Variants in MAGI2 observed in about 807,000 individuals in gnomAD.
MAGI2 encodes membrane-associated guanylate kinase, WW and PDZ domain-containing protein 2.
A neutral mutation model predicts 133.3 loss-of-function variants in MAGI2; 35 were observed. The observed-to-expected ratio is 0.26, with a 90% CI of 0.20 to 0.35. MAGI2 has a LOEUF of 0.35. Among genes scored for constraint, MAGI2 ranks in the 10% least tolerant of loss-of-function variants. MAGI2 has a pLI of 1.00. For synonymous variants in MAGI2, 729 were observed against 710.6 expected (o/e 1.03, Z -0.41); for missense variants, 1,636 against 1,863.4 (o/e 0.88, Z 2.25).
chr7:78,354,243 T>C (rs1466422817), intron 7 of MAGI2, among the ~76,000 whole-genome samples: 1 of 152,238 alleles, frequency 6.6e-6, no homozygotes, highest in Non-Finnish European at 1.5e-5. Flanking sequence ...ACATACTCTA[T>C]GTTGAACTGG....
At chr7:78,649,929 T>G (rs1811366889) in intron 2 of MAGI2, among the ~76,000 whole-genome samples, 1 of 152,212 alleles carries the variant, frequency 6.6e-6, no homozygotes, top group South Asian at 2.1e-4. Context: ...TGCATTCTGA[T>G]GTGTGTAGGA....
chr7:78,636,872 A>T (rs1389276213), intron 2 of MAGI2, among the ~76,000 whole-genome samples: 1 of 152,192 alleles, frequency 6.6e-6, no homozygotes, highest in African/African-American at 2.4e-5. Flanking sequence ...AACCATGTGG[A>T]GGACTTGTTA....
chr7:78,640,592 C>T (rs1028470822), intron 2 of MAGI2, among the ~76,000 whole-genome samples: 3 of 148,962 alleles, frequency 2.0e-5, no homozygotes, highest in Non-Finnish European at 4.5e-5. Context: ...TTTGCCAGGA[C>T]TAATAGAGAC....
intron 2 of MAGI2, among the ~76,000 whole-genome samples, chr7:78,840,800 A>G (rs908165998): frequency 6.7e-6 from 1 of 149,614 alleles, no homozygotes; most frequent in Admixed American, 6.7e-5. Context: ...TTAGCTGTGT[A>G]CCCTTGGGCA....
At chr7:78,047,459 G>A (rs570591249) in intron 21 of MAGI2, among the ~76,000 whole-genome samples, 6 of 152,252 alleles carry the variant, frequency 3.9e-5, no homozygotes, top group African/African-American at 1.4e-4. Flanking sequence ...CTTGTCCTTT[G>A]TCCTAAACCT....
chr7:79,190,821 C>T (rs1354687131), intron 1 of MAGI2, among the ~76,000 whole-genome samples: 2 of 151,594 alleles, frequency 1.3e-5, no homozygotes, highest in Non-Finnish European at 2.9e-5. Flanking sequence ...ATTTTTTTCT[C>T]CCATTTTTAA....
intron 2 of MAGI2, among the ~76,000 whole-genome samples, chr7:78,976,160 A>G (rs1193415321): frequency 6.6e-6 from 1 of 151,650 alleles, no homozygotes; most frequent in Non-Finnish European, 1.5e-5. Context: ...TCTCATTAAC[A>G]TAGATGAAAA....
chr7:78,209,411 A>G (rs1383551874), intron 10 of MAGI2, among the ~76,000 whole-genome samples: 41 of 149,744 alleles, frequency 2.7e-4, no homozygotes, highest in African/African-American at 7.1e-4. Flanking sequence ...ACAGGCGTGC[A>G]CCATCACGCC....
rs190283393 is a variant in MAGI2, at chr7:78,908,172, C to G, written c.418+98918G>C. ...AGTTGGAGTAGAATGCTATAAGTAC[C>G]TGTGGGCTATGCCATAGTTCCCAAA... On this transcript the variant is annotated intron_variant, in intron 2 of 21. Transcript: ENST00000354212. 3.1e-3 allele frequency among the ~76,000 whole-genome samples: 465 copies of G among 152,200 alleles called. 1 individual carries two copies. The highest frequency in any genetic ancestry group is 0.011 in the African/African-American group (443 of 41,530).
chr7:78,678,399 C>T (rs954355698), intron 2 of MAGI2, among the ~76,000 whole-genome samples: 2 of 152,052 alleles, frequency 1.3e-5, no homozygotes, highest in Non-Finnish European at 2.9e-5. Context: ...CCCCTTTATC[C>T]CCAGAGTTTT....
chr7:78,514,087 A>C (rs938726510), intron 4 of MAGI2, among the ~76,000 whole-genome samples: 2 of 35,598 alleles, frequency 5.6e-5, no homozygotes, highest in Admixed American at 2.6e-4. Context: ...AAACTGTCTC[A>C]AAAAAAAAAA....
intron 2 of MAGI2, among the ~76,000 whole-genome samples, chr7:78,897,699 T>C (rs1186423410): frequency 6.6e-6 from 1 of 152,230 alleles, no homozygotes; most frequent in Non-Finnish European, 1.5e-5. Context: ...GGAGTAGCAT[T>C]GAATCTATGA....
At position 78,524,858 on chromosome 7, in the gene MAGI2, T is replaced by A. The variant is rs115530438; in HGVS notation, c.539-3213A>T. ...TGTAAAACTAAATAATCTATGCATA[T>A]CTCAATAAATGATACATGATTTTAA... On this transcript the variant is annotated intron_variant, in intron 3 of 21. Coordinates refer to ENST00000354212, the MANE Select transcript of MAGI2 (RefSeq NM_012301.4). 7.6e-3 allele frequency among the ~76,000 whole-genome samples: 1,158 copies of A among 152,310 alleles called. 15 individuals carry two copies. The highest frequency in any genetic ancestry group is 0.027 in the African/African-American group (1,115 of 41,564).
chr7:78,823,194 C>T (rs1055697521), intron 2 of MAGI2, among the ~76,000 whole-genome samples: 3 of 152,090 alleles, frequency 2.0e-5, no homozygotes, highest in African/African-American at 4.8e-5. Context: ...AGATCCCTAC[C>T]TTGTCATTGC....
At chr7:78,242,189 C>T (rs1393507497) in intron 10 of MAGI2, among the ~76,000 whole-genome samples, 3 of 152,194 alleles carry the variant, frequency 2.0e-5, no homozygotes, top group Non-Finnish European at 4.4e-5. Context: ...GTGAGGTACA[C>T]CACCCCTTCC....
intron 1 of MAGI2, among the ~76,000 whole-genome samples, chr7:79,237,177 C>T (rs749918813): frequency 1.3e-4 from 20 of 152,226 alleles, no homozygotes; most frequent in Non-Finnish European, 2.9e-4. Context: ...TTTACAAACT[C>T]ACAAAATATT....
intron 2 of MAGI2, among the ~76,000 whole-genome samples, chr7:78,769,727 A>C (rs1825389790): frequency 6.6e-6 from 1 of 152,184 alleles, no homozygotes; most frequent in Non-Finnish European, 1.5e-5. Context: ...AGCGCATCTT[A>C]ATTTGGTCCA....
At chr7:79,107,126 C>T (rs1818513242) in intron 1 of MAGI2, among the ~76,000 whole-genome samples, 1 of 152,114 alleles carries the variant, frequency 6.6e-6, no homozygotes. Flanking sequence ...AGAGATTAGC[C>T]TCAAATATCC....
intron 1 of MAGI2, among the ~76,000 whole-genome samples, chr7:79,417,874 G>C (rs1233589249): frequency 6.6e-6 from 1 of 151,824 alleles, no homozygotes; most frequent in African/African-American, 2.4e-5. Flanking sequence ...GAAACAAAGA[G>C]AAAACAACAA....
Sources: gnomAD v4.1 joint callset for allele counts (sites outside exome capture counted in the v4.1 genomes callset) on GRCh38, gnomAD v4.1.1 for gene constraint, MANE v1.5 for transcripts, NCBI Gene and HGNC (gene_info 2026-07-23, HGNC 2026-07-21) for gene names.